MAL2: variants seen among roughly 807,000 people sequenced by gnomAD.
MAL2 encodes the protein protein MAL2.
MAL2 carries 17 observed loss-of-function variants against 18.1 expected under a neutral mutation model. The observed-to-expected ratio is 0.94, with a 90% confidence interval of 0.64 to 1.41. MAL2 has a LOEUF of 1.41. Among genes scored for constraint, MAL2 ranks in the 40% most tolerant of loss-of-function variants. The pLI is 0.00. For synonymous variants in MAL2, 102 were observed against 102.3 expected (o/e 1.00, Z 0.02); for missense variants, 222 against 231.9 (o/e 0.96, Z 0.28).
intron 1 of MAL2, chr8:119,215,527 T>C (rs2129782477): frequency 6.6e-6 from 1 of 152,328 alleles, no homozygotes; most frequent in East Asian, 1.9e-4. Flanking sequence ...GAAATGGGCA[T>C]GTAGATCCAT....
At chr8:119,227,997 C>T (rs1750470942) in intron 2 of MAL2, among the ~76,000 whole-genome samples, 1 of 151,464 alleles carries the variant, frequency 6.6e-6, no homozygotes, top group African/African-American at 2.4e-5. Flanking sequence ...TATTGCTACA[C>T]TTGTTTGTTT....
intron 2 of MAL2, among the ~76,000 whole-genome samples, chr8:119,234,620 G>T (rs572822709): frequency 5.9e-5 from 9 of 152,058 alleles, no homozygotes; most frequent in Admixed American, 5.9e-4. Context: ...CTGAGACCTG[G>T]CAGACTGCCT....
intron 3 of MAL2, among the ~76,000 whole-genome samples, chr8:119,241,100 C>A (rs1481043539): frequency 6.6e-6 from 1 of 152,058 alleles, no homozygotes; most frequent in Non-Finnish European, 1.5e-5. Context: ...TATAAATAAC[C>A]CAGTACTCAT....
intron 2 of MAL2, among the ~76,000 whole-genome samples, chr8:119,237,033 G>C (rs1055300169): frequency 1.3e-5 from 2 of 151,800 alleles, no homozygotes; most frequent in African/African-American, 4.9e-5. Context: ...CAACAAAATT[G>C]ATAGACCGCT....
intron 1 of MAL2, chr8:119,215,253 T>A (rs1381189854): frequency 2.0e-5 from 3 of 152,182 alleles, no homozygotes; most frequent in Non-Finnish European, 4.4e-5. Flanking sequence ...TATTCTCGCT[T>A]CACTCGTTTT....
chr8:119,240,373 C>G, intron 3 of MAL2, 53 bp downstream of exon 3: 1 of 1,568,064 alleles, frequency 6.4e-7, no homozygotes, highest in Non-Finnish European at 8.7e-7. Context: ...GCTCCACTGT[C>G]AAGGCCTCCA....
chr8:119,239,671 CA>C (rs1170289651), intron 2 of MAL2, among the ~76,000 whole-genome samples: 1 of 151,296 alleles, frequency 6.6e-6, no homozygotes, highest in Non-Finnish European at 1.5e-5. Flanking sequence ...ATCGCAAGAA[CA>C]AAAAACCAAA....
chr8:119,221,881 A>G, intron 2 of MAL2, 124 bp downstream of exon 2: 1 of 1,027,144 alleles, frequency 9.7e-7, no homozygotes, highest in Admixed American at 2.7e-5. Context: ...CCAACCACAG[A>G]GACTGCTGTG....
intron 2 of MAL2, chr8:119,224,190 TA>T (rs1392837592): frequency 1.3e-5 from 2 of 152,214 alleles, no homozygotes; most frequent in African/African-American, 4.8e-5. Context: ...CTAGCTTTTA[TA>T]TAAATAGTGA....
chr8:119,215,250 G>C (rs375528939), intron 1 of MAL2: 1 of 152,134 alleles, frequency 6.6e-6, no homozygotes, highest in Admixed American at 6.5e-5. Flanking sequence ...ACATATTCTC[G>C]CTTCACTCGT....
At chr8:119,239,099 C>G (rs1817986402) in intron 2 of MAL2, among the ~76,000 whole-genome samples, 1 of 152,024 alleles carries the variant, frequency 6.6e-6, no homozygotes, top group Admixed American at 6.6e-5. Context: ...ACAACCCCAT[C>G]AAAAAGTGGG....
chr8:119,226,402 T>C (rs184633761), intron 2 of MAL2, among the ~76,000 whole-genome samples: 6 of 150,736 alleles, frequency 4.0e-5, no homozygotes, highest in South Asian at 2.1e-4. Flanking sequence ...GGGAATCCTT[T>C]CCCCCCCTTT....
At chr8:119,233,019 A>G (rs960319713) in intron 2 of MAL2, among the ~76,000 whole-genome samples, 2 of 152,044 alleles carry the variant, frequency 1.3e-5, no homozygotes, top group African/African-American at 4.8e-5. Flanking sequence ...TATGTGGTCA[A>G]TTTTGGAATA....
chr8:119,213,322 A>C (rs1817294299), intron 1 of MAL2, among the ~76,000 whole-genome samples: 1 of 152,024 alleles, frequency 6.6e-6, no homozygotes, highest in African/African-American at 2.4e-5. Flanking sequence ...TTCAACTGAG[A>C]GCTTTGACTT....
chr8:119,226,132 T>C (rs200919350), intron 2 of MAL2, among the ~76,000 whole-genome samples: 1 of 152,082 alleles, frequency 6.6e-6, no homozygotes, highest in African/African-American at 2.4e-5. Context: ...TGCAGAAGCT[T>C]TTTAGTTTAA....
chr8:119,234,925 G>C (rs560733519), intron 2 of MAL2, among the ~76,000 whole-genome samples: 64 of 152,232 alleles, frequency 4.2e-4, no homozygotes, highest in African/African-American at 1.5e-3. Context: ...AAGGAACGCA[G>C]TTCCTCACCA....
intron 2 of MAL2, among the ~76,000 whole-genome samples, chr8:119,226,457 C>G (rs948044679): frequency 1.6e-5 from 2 of 127,224 alleles, no homozygotes; most frequent in African/African-American, 6.2e-5. Context: ...AAACGAAGAG[C>G]AAACATGGGC....
intron 2 of MAL2, among the ~76,000 whole-genome samples, chr8:119,234,437 C>G (rs1817827745): frequency 6.6e-6 from 1 of 152,214 alleles, no homozygotes; most frequent in African/African-American, 2.4e-5. Context: ...CCCGGAAGCT[C>G]GAACTGGGTG....
At chr8:119,233,947 G>A (rs1403643306) in intron 2 of MAL2, among the ~76,000 whole-genome samples, 2 of 152,094 alleles carry the variant, frequency 1.3e-5, no homozygotes, top group Non-Finnish European at 2.9e-5. Context: ...GGCAAACCAA[G>A]GGGAGGAGCC....
Sources: gnomAD v4.1 joint callset for allele counts (sites outside exome capture counted in the v4.1 genomes callset) on GRCh38, gnomAD v4.1.1 for gene constraint, MANE v1.5 for transcripts, NCBI Gene and HGNC (gene_info 2026-07-23, HGNC 2026-07-21) for gene names.